TIAM2: variants seen among roughly 807,000 people sequenced by gnomAD.
The protein encoded by TIAM2 is rho guanine nucleotide exchange factor TIAM2.
Under a neutral mutation model 152.9 loss-of-function variants are expected in TIAM2, and 80 were observed. The observed-to-expected ratio is 0.52, with a 90% CI of 0.44 to 0.63. The LOEUF is 0.63. Among genes scored for constraint, TIAM2 ranks in the 30% least tolerant of loss-of-function variants. TIAM2 has a pLI of 0.00. For missense variants in TIAM2, 1,965 were observed against 2,120.1 expected (o/e 0.93, Z 1.44); for synonymous variants, 804 against 838.0 (o/e 0.96, Z 0.70).
At position 155,257,201 on chromosome 6, in the gene TIAM2, A is replaced by C. The variant is rs913535592; in HGVS notation, c.*80A>C. On this transcript the variant is annotated 3_prime_UTR_variant, in exon 27 of 27. Coordinates refer to ENST00000682666, the MANE Select transcript of TIAM2 (RefSeq NM_012454.4). ...TAAAGTGGAAATTGCAAAAAAAAAAAAAAAAAAAAACTGTTCATTCCTGGG... is the reference window on the plus strand; with the variant it reads ...TAAAGTGGAAATTGCAAAAAAAAAACAAAAAAAAAACTGTTCATTCCTGGG... 41 of 1,427,254 alleles carry C rather than the reference A, an allele frequency of 2.9e-5. 1 individual carries two copies. Among genetic ancestry groups the C allele is most frequent in the South Asian group, 1.2e-4 (9 of 77,622 alleles). The allele number at this position is 1,427,254 out of a possible 1,614,324, so 88.4% of individuals were successfully genotyped here.
chr6:155,110,966 A>G (rs918999440), intron 2 of TIAM2, among the ~76,000 whole-genome samples: 5 of 152,132 alleles, frequency 3.3e-5, no homozygotes, highest in African/African-American at 1.2e-4. Flanking sequence ...CTTGACCCTG[A>G]CCCATCTCTA....
chr6:155,141,408 C>T (rs1226517421), intron 5 of TIAM2, among the ~76,000 whole-genome samples: 1 of 152,022 alleles, frequency 6.6e-6, no homozygotes, highest in East Asian at 1.9e-4. Flanking sequence ...CACACACACA[C>T]ACACACACAC....
chr6:155,139,618 G>T (rs891512904), intron 5 of TIAM2, among the ~76,000 whole-genome samples: 3 of 152,188 alleles, frequency 2.0e-5, no homozygotes, highest in African/African-American at 7.2e-5. Context: ...GCTACCCAAG[G>T]ACAGGATAGG....
Position 155,130,169 on chromosome 6 carries a change from A to G in TIAM2, c.946A>G (p.Ile316Val), listed in dbSNP as rs1282008075. Reference protein sequence around the residue: ...ANLGSLSPSGIRLSDEYMGTH... With the variant: ...ANLGSLSPSGVRLSDEYMGTH... ...CCTGGGGAGCCTCTCCCCCTCAGGTATCCGCCTTTCTGATGAATACATGGG... is the reference window on the plus strand; with the variant it reads ...CCTGGGGAGCCTCTCCCCCTCAGGTGTCCGCCTTTCTGATGAATACATGGG... Residue 316 changes from isoleucine to valine, a missense_variant, in exon 4 of 27, where the codon ATC (isoleucine) becomes GTC (valine). Physicochemically the swap from Ile to Val is conservative, Grantham distance 29. This residue lies in a region of TIAM2 where 1,025 missense variants were observed against 1,119.4 expected (regional missense o/e 0.92). Coordinates refer to ENST00000682666, the MANE Select transcript of TIAM2 (RefSeq NM_012454.4). 2 of 1,614,180 alleles carry G rather than the reference A, an allele frequency of 1.2e-6. No individual in the cohort carries two copies. Among genetic ancestry groups the G allele is most frequent in the South Asian group, 2.2e-5 (2 of 91,084 alleles).
intron 24 of TIAM2, 148 bp downstream of exon 24, chr6:155,253,201 G>C: frequency 1.5e-6 from 1 of 657,708 alleles, no homozygotes; most frequent in Non-Finnish European, 2.6e-6. Flanking sequence ...TTGTTTTGAT[G>C]TTCCTTAGCA....
chr6:155,035,365 G>A (rs1411896086), intron 1 of TIAM2, among the ~76,000 whole-genome samples: 9 of 152,114 alleles, frequency 5.9e-5, no homozygotes, highest in East Asian at 3.9e-4. Flanking sequence ...GGGACTACAG[G>A]TGTGTGCCAC....
chr6:155,199,448 AG>A lies in TIAM2; in HGVS notation c.3065-11755del, dbSNP rs545478626. Among the ~76,000 whole-genome samples, 86 of 152,324 alleles carry A rather than the reference AG, an allele frequency of 5.6e-4. No individual in the cohort carries two copies. The East Asian group carries it at 5.8e-3, about 10-fold the overall frequency. On this transcript the variant is annotated intron_variant, in intron 14 of 26. Coordinates refer to ENST00000682666, the MANE Select transcript of TIAM2 (RefSeq NM_012454.4). ...GTGAGTTGTGTTTTAATTTGGGGATAGTAACATTTGTAAAAGACTATGGGTC... is the reference window on the plus strand; with the variant it reads ...GTGAGTTGTGTTTTAATTTGGGGATATAACATTTGTAAAAGACTATGGGTC...
intron 1 of TIAM2, among the ~76,000 whole-genome samples, chr6:155,087,706 G>T (rs1328489581): frequency 6.6e-6 from 1 of 151,914 alleles, no homozygotes; most frequent in Non-Finnish European, 1.5e-5. Flanking sequence ...CTGAGATCGC[G>T]CCATTACACT....
chr6:155,105,439 G>A (rs1013573882), intron 2 of TIAM2, among the ~76,000 whole-genome samples: 1 of 152,176 alleles, frequency 6.6e-6, no homozygotes, highest in Non-Finnish European at 1.5e-5. Flanking sequence ...ATGAGCCATC[G>A]CCCCTGGCCC....
Position 155,256,720 on chromosome 6 carries a change from A to C in TIAM2, c.4705A>C (p.Ser1569Arg). 6.2e-7 allele frequency: 1 copy of C among 1,614,130 alleles called. No homozygotes were observed. Among genetic ancestry groups the C allele is most frequent in the African/African-American group, 1.3e-5 (1 of 75,014 alleles). ...TCTCATCAAAGAGAGTGACATCCTGAGCGATGAAGATGATGACCACCGTCA... is the reference window on the plus strand; with the variant it reads ...TCTCATCAAAGAGAGTGACATCCTGCGCGATGAAGATGATGACCACCGTCA... The part of the protein sequence containing the change: ...DNLIKESDIL[S>R]DEDDDHRQTV... Residue 1569 changes from serine to arginine, a missense_variant, in exon 27 of 27, where the codon AGC becomes CGC. Ser to Arg is a moderately radical substitution (Grantham distance 110). Transcript: ENST00000682666.
At chr6:155,238,420 A>C (rs1045087305) in intron 15 of TIAM2, among the ~76,000 whole-genome samples, 3 of 152,178 alleles carry the variant, frequency 2.0e-5, no homozygotes, top group African/African-American at 7.2e-5. Context: ...CCAGCTCTGA[A>C]GTTGCCTCCA....
intron 14 of TIAM2, among the ~76,000 whole-genome samples, chr6:155,201,811 A>G (rs776359186): frequency 3.3e-5 from 5 of 152,180 alleles, no homozygotes; most frequent in Non-Finnish European, 5.9e-5. Flanking sequence ...ATTAAGAAAC[A>G]TTTACTACCA....
intron 1 of TIAM2, among the ~76,000 whole-genome samples, chr6:155,027,944 G>A (rs1273347885): frequency 1.8e-5 from 2 of 112,950 alleles, no homozygotes; most frequent in African/African-American, 4.1e-5. Flanking sequence ...TATAATATAT[G>A]TACTGTGTTA....
chr6:155,012,346 T>G (rs1460965301), intron 1 of TIAM2, among the ~76,000 whole-genome samples: 3 of 152,138 alleles, frequency 2.0e-5, no homozygotes, highest in African/African-American at 7.2e-5. Context: ...AGTATTTTGA[T>G]TTTTCTCACT....
At chr6:155,005,674 A>T (rs1345762107) in intron 1 of TIAM2, among the ~76,000 whole-genome samples, 5 of 127,502 alleles carry the variant, frequency 3.9e-5, no homozygotes, top group African/African-American at 1.6e-4. Context: ...TTTTTTTTTG[A>T]GATGGAGTTT....
chr6:155,253,370 T>G, intron 24 of TIAM2: 1 of 294,308 alleles, frequency 3.4e-6, no homozygotes, highest in Non-Finnish European at 6.3e-6. Flanking sequence ...ATTTATGTTT[T>G]TACAAATTTA....
chr6:155,253,922 C>T (rs1783834535), intron 24 of TIAM2, 51 bp from the exon 25 acceptor site: 1 of 1,456,064 alleles, frequency 6.9e-7, no homozygotes, highest in Non-Finnish European at 9.5e-7. Flanking sequence ...TTCTTAACCA[C>T]AGCATTTTGG....
chr6:155,040,996 C>T (rs1052850933), intron 1 of TIAM2, among the ~76,000 whole-genome samples: 1 of 152,042 alleles, frequency 6.6e-6, no homozygotes, highest in African/African-American at 2.4e-5. Flanking sequence ...GGAGGGCAGC[C>T]ACCATTCAGG....
At chr6:155,054,056 C>G (rs985680189) in intron 1 of TIAM2, among the ~76,000 whole-genome samples, 2 of 152,148 alleles carry the variant, frequency 1.3e-5, no homozygotes, top group African/African-American at 4.8e-5. Flanking sequence ...ACCTGTAGTC[C>G]CAGCTGCTTG....
Sources: allele counts gnomAD v4.1 joint callset (sites outside exome capture counted in the v4.1 genomes callset), GRCh38; gene constraint gnomAD v4.1.1; regional missense constraint gnomAD v4.1.1; transcripts MANE v1.5; gene names NCBI Gene and HGNC (gene_info 2026-07-23, HGNC 2026-07-21).